The following HEATR5A variants were observed in gnomAD, a reference collection of about 807,000 sequenced individuals.
HEATR5A encodes HEAT repeat containing 5A, also known as HEAT repeat-containing protein 5A.
In HEATR5A, 178 loss-of-function variants were observed where a neutral mutation model predicts 218.8. The observed-to-expected ratio is 0.81, with a 90% CI of 0.72 to 0.92. HEATR5A has a LOEUF of 0.92. Ranked by LOEUF, HEATR5A falls within the 40% of genes least tolerant of loss-of-function variation. The pLI is 0.00. For missense variants in HEATR5A, 2,420 were observed against 2,418.9 expected (o/e 1.00, Z -0.01); for synonymous variants, 864 against 871.6 (o/e 0.99, Z 0.15).
chr14:31,413,572 G>A (rs2031355929), intron 1 of HEATR5A, among the ~76,000 whole-genome samples: 1 of 151,974 alleles, frequency 6.6e-6, no homozygotes, highest in African/African-American at 2.4e-5. Context: ...TGTTCTGGGG[G>A]GTGGGAGGGG....
intron 25 of HEATR5A, among the ~76,000 whole-genome samples, chr14:31,318,687 A>G (rs1190232909): frequency 1.3e-5 from 2 of 152,106 alleles, no homozygotes; most frequent in East Asian, 1.9e-4. Context: ...ACAGGGTTTC[A>G]CTATGTTGGC....
At chr14:31,300,582 G>C (rs564631554) in intron 33 of HEATR5A, among the ~76,000 whole-genome samples, 142 of 152,180 alleles carry the variant, frequency 9.3e-4, no homozygotes, top group African/African-American at 3.1e-3. Context: ...GTCTCAGCTA[G>C]AGATGGCTGT....
chr14:31,366,187 T>A (rs1901795689), intron 13 of HEATR5A, among the ~76,000 whole-genome samples: 1 of 152,128 alleles, frequency 6.6e-6, no homozygotes, highest in South Asian at 2.1e-4. Context: ...GGCCAGATGA[T>A]CGCTTGAGCC....
intron 7 of HEATR5A, among the ~76,000 whole-genome samples, chr14:31,387,590 C>T (rs376149567): frequency 7.3e-4 from 106 of 145,790 alleles, no homozygotes; most frequent in Middle Eastern, 3.9e-3. Flanking sequence ...GACGGAGTCT[C>T]GCTCTGTCAC....
chr14:31,301,437 G>A (rs1369408545), intron 33 of HEATR5A, among the ~76,000 whole-genome samples: 1 of 151,998 alleles, frequency 6.6e-6, no homozygotes, highest in East Asian at 1.9e-4. Flanking sequence ...AAGTTTTAAT[G>A]GATGCTGAAA....
intron 26 of HEATR5A, among the ~76,000 whole-genome samples, chr14:31,316,785 C>G (rs1899926379): frequency 6.6e-6 from 1 of 152,186 alleles, no homozygotes; most frequent in African/African-American, 2.4e-5. Flanking sequence ...TTGACCTCCA[C>G]AGGGGGATCC....
Position 31,387,269 on chromosome 14 carries a change from GC to G in HEATR5A, c.1039del (p.Ala347ProfsTer23). On this transcript the variant is annotated frameshift_variant, in exon 8 of 36. Coordinates refer to ENST00000543095, the MANE Select transcript of HEATR5A (RefSeq NM_015473.4). LOFTEE classifies it high-confidence loss of function. Reference protein sequence around the residue: ...LSLASPSHPKATQTQIDAVCC... With the variant: ...LSLASPSHPKXTQTQIDAVCC... ...GACGGCATCGATCTGAGTTTGGGTG[GC>G]TTTAGGGTGTGACGGTGACGCAAGG... is the stretch of plus-strand genomic sequence containing the variant. 1.2e-6 allele frequency: 2 copies of G among 1,613,968 alleles called. No individual in the cohort carries two copies. The highest frequency in any genetic ancestry group is 1.7e-6 in the Non-Finnish European group (2 of 1,179,876).
At chr14:31,346,865 G>A (rs1456118303) in intron 19 of HEATR5A, among the ~76,000 whole-genome samples, 5 of 152,150 alleles carry the variant, frequency 3.3e-5, no homozygotes, top group Admixed American at 1.3e-4. Flanking sequence ...GTAAAAGAAC[G>A]GGAGAAATAA....
intron 33 of HEATR5A, among the ~76,000 whole-genome samples, chr14:31,300,391 G>A (rs915103677): frequency 3.3e-5 from 5 of 151,690 alleles, no homozygotes; most frequent in Admixed American, 2.0e-4. Context: ...GGGTTCAAGC[G>A]ATTCCTAGAA....
At chr14:31,322,761 G>A (rs1900147874) in intron 24 of HEATR5A, among the ~76,000 whole-genome samples, 1 of 150,058 alleles carries the variant, frequency 6.7e-6, no homozygotes, top group Non-Finnish European at 1.5e-5. Flanking sequence ...TGAGGTTACA[G>A]TGAGCTGTGA....
At chr14:31,363,499 AACTTATGT>A (rs1240186140) in intron 14 of HEATR5A, among the ~76,000 whole-genome samples, 1 of 152,174 alleles carries the variant, frequency 6.6e-6, no homozygotes, top group Non-Finnish European at 1.5e-5. Context: ...GCATGAGGCA[AACTTATGT>A]TTCAATCCTG....
rs73261114 is a variant in HEATR5A, at chr14:31,418,921, A to T, written c.-75+1551T>A. On this transcript the variant is annotated intron_variant, in intron 1 of 35. Transcript: ENST00000543095. The stretch of plus-strand genomic sequence containing the variant: ...AGAAAGGTAAGTGTATTGGTTAAAG[A>T]CAAGTAAAAAAATAATTTTTTTCTG... Among the ~76,000 whole-genome samples, 1,332 of 152,334 alleles carry T rather than the reference A, an allele frequency of 8.7e-3. 19 individuals are homozygous for T. The highest frequency in any genetic ancestry group is 0.031 in the African/African-American group (1,280 of 41,590).
intron 31 of HEATR5A, 144 bp downstream of exon 31, chr14:31,306,588 C>T (rs994893744): frequency 4.3e-5 from 35 of 817,950 alleles, no homozygotes; most frequent in Non-Finnish European, 5.4e-5. Flanking sequence ...GTGTAGAGCA[C>T]AAAAAGTAAA....
chr14:31,398,436 T>C (rs2030742131), intron 4 of HEATR5A, among the ~76,000 whole-genome samples: 1 of 152,142 alleles, frequency 6.6e-6, no homozygotes, highest in African/African-American at 2.4e-5. Flanking sequence ...ATACGTTAGT[T>C]TTCGCCCGCT....
In HEATR5A at chr14:31,387,316, G is replaced by A. The variant is rs1466320320; in HGVS notation, c.993C>T (p.Ala331=). ...GGAWLEKNFA[A]FFSHILSLAS... is the part of the protein sequence containing the mutation. ...CAAGGCTTAGGATATGAGAAAAAAA[G>A]GCAGCAAAATTTTTCTCTAGCCAAG... The change falls in exon 8 of 36, where the codon GCC becomes GCT. Residue 331 remains alanine, a synonymous_variant. Coordinates refer to ENST00000543095, the MANE Select transcript of HEATR5A (RefSeq NM_015473.4). The A allele has an allele frequency of 6.2e-7, 1 of 1,613,790 alleles. No individual in the cohort carries two copies. The highest frequency in any genetic ancestry group is 2.2e-5 in the East Asian group (1 of 44,894).
chr14:31,308,887 A>C (rs766382975), intron 29 of HEATR5A, 47 bp downstream of exon 29: 44 of 1,514,308 alleles, frequency 2.9e-5, no homozygotes, highest in African/African-American at 2.1e-4. Flanking sequence ...AAAAAAAAAA[A>C]CAAAAAACCC....
At chr14:31,407,960 T>C (rs1056750987) in intron 1 of HEATR5A, among the ~76,000 whole-genome samples, 1 of 152,322 alleles carries the variant, frequency 6.6e-6, no homozygotes, top group Non-Finnish European at 1.5e-5. Flanking sequence ...TACACAAGAA[T>C]GTTAATTCCA....
intron 13 of HEATR5A, among the ~76,000 whole-genome samples, chr14:31,366,397 T>C (rs1901804898): frequency 6.6e-6 from 1 of 152,212 alleles, no homozygotes; most frequent in Admixed American, 6.5e-5. Context: ...ACACAAAAAG[T>C]CTTTCAATCA....
chr14:31,311,526 A>C (rs1899752248), intron 28 of HEATR5A, among the ~76,000 whole-genome samples: 1 of 151,998 alleles, frequency 6.6e-6, no homozygotes, highest in African/African-American at 2.4e-5. Flanking sequence ...ATCTTCCCAC[A>C]TCAGCCTTCT....
Sources: gnomAD v4.1 joint callset for allele counts (sites outside exome capture counted in the v4.1 genomes callset) on GRCh38, gnomAD v4.1.1 for gene constraint, MANE v1.5 for transcripts, NCBI Gene and HGNC (gene_info 2026-07-23, HGNC 2026-07-21) for gene names.